ATG2B: variants seen among roughly 807,000 people sequenced by gnomAD.
ATG2B encodes autophagy-related protein 2 homolog B.
Under a neutral mutation model 241.3 loss-of-function variants are expected in ATG2B, and 121 were observed. The ratio of observed to expected loss-of-function variants is 0.50; its 90% CI spans 0.43 to 0.58. ATG2B has a LOEUF of 0.58. Ranked by LOEUF, ATG2B falls within the 20% of genes least tolerant of loss-of-function variation. The pLI is 0.00. For synonymous variants in ATG2B, 858 were observed against 876.6 expected (o/e 0.98, Z 0.37); for missense variants, 2,306 against 2,491.6 (o/e 0.93, Z 1.59).
In ATG2B at chr14:96,334,386, A is replaced by G. The variant is rs1438924248; in HGVS notation, c.1021+19T>C. Reference sequence around the variant, plus strand: ...TTTAAAAAAGTAACAAGTATATATAATAACAGAATTATACTTGCCTGGTCC... The same window carrying G: ...TTTAAAAAAGTAACAAGTATATATAGTAACAGAATTATACTTGCCTGGTCC... On this transcript the variant is annotated intron_variant, in intron 7 of 41. Transcript: ENST00000359933. 5.9e-6 allele frequency: 9 copies of G among 1,528,870 alleles called. No individual in the cohort carries two copies. The highest frequency in any genetic ancestry group is 2.4e-5 in the South Asian group (2 of 82,380). 94.7% of individuals were successfully genotyped at this position (1,528,870 alleles called of 1,614,324 possible). A position where few individuals can be genotyped will look rare whatever the true frequency, so the allele number is the denominator to read the frequency against.
At chr14:96,305,926 G>T in intron 30 of ATG2B, 111 bp from the exon 31 acceptor site, 1 of 788,286 alleles carries the variant, frequency 1.3e-6, no homozygotes, top group Non-Finnish European at 2.0e-6. Flanking sequence ...AATAATTCCA[G>T]TATATAAAAT....
intron 1 of ATG2B, among the ~76,000 whole-genome samples, chr14:96,353,367 G>A (rs150553770): frequency 1.3e-5 from 2 of 152,336 alleles, no homozygotes; most frequent in African/African-American, 4.8e-5. Flanking sequence ...GCTCCCACCT[G>A]TAATCCTAGC....
chr14:96,304,625 A>G, intron 31 of ATG2B, 22 bp from the exon 32 acceptor site: 1 of 1,544,072 alleles, frequency 6.5e-7, no homozygotes, highest in Non-Finnish European at 8.8e-7. Context: ...CAAAAAAAAA[A>G]AAAACCCTTT....
At chr14:96,296,337 A>C (rs1022516045) in intron 34 of ATG2B, among the ~76,000 whole-genome samples, 8 of 152,118 alleles carry the variant, frequency 5.3e-5, no homozygotes, top group Non-Finnish European at 1.5e-5. Flanking sequence ...CTCTGTCTTC[A>C]CTTTGTACGT....
At chr14:96,310,876 G>GA (rs199808372) in intron 28 of ATG2B, among the ~76,000 whole-genome samples, 10 of 144,810 alleles carry the variant, frequency 6.9e-5, no homozygotes, top group East Asian at 2.0e-4. Context: ...AACAAGTCTA[G>GA]AAAAAAAAAA....
intron 11 of ATG2B, among the ~76,000 whole-genome samples, chr14:96,331,003 C>T (rs1490232233): frequency 1.3e-5 from 2 of 152,202 alleles, no homozygotes; most frequent in Admixed American, 1.3e-4. Context: ...TTTTTCATCA[C>T]CACTGTCATC....
At chr14:96,309,623 A>C in intron 28 of ATG2B, 29 bp from the exon 29 acceptor site, 1 of 1,580,106 alleles carries the variant, frequency 6.3e-7, no homozygotes, top group Non-Finnish European at 8.6e-7. Context: ...ATTAAAAATA[A>C]CTGAAAATGC....
At chr14:96,321,376 G>T (rs778098777) in intron 18 of ATG2B, among the ~76,000 whole-genome samples, 3 of 152,184 alleles carry the variant, frequency 2.0e-5, no homozygotes, top group Non-Finnish European at 2.9e-5. Context: ...TTTCAGGTAT[G>T]CTACGGAGAA....
rs117486944 is a variant in ATG2B, at chr14:96,288,943, G to C, written c.6006+713C>G. On this transcript the variant is annotated intron_variant, in intron 41 of 41. Coordinates refer to ENST00000359933, the MANE Select transcript of ATG2B (RefSeq NM_018036.7). ...TTTCTTGTACATATGAACAAAAAGAGAGTTAAATGAGCACTCCCCATAGTG... is the reference window on the plus strand; with the variant it reads ...TTTCTTGTACATATGAACAAAAAGACAGTTAAATGAGCACTCCCCATAGTG... 4.3e-3 allele frequency among the ~76,000 whole-genome samples: 647 copies of C among 152,158 alleles called. 25 individuals are homozygous for C. In the South Asian group the frequency reaches 0.067, roughly 16 times the overall value.
rs746760117 is a variant in ATG2B at position 96,343,212 on chromosome 14, A to G, written c.651T>C (p.Ala217=). 2 of 1,612,144 alleles carry G rather than the reference A, an allele frequency of 1.2e-6. No individual in the cohort carries two copies. Among genetic ancestry groups the G allele is most frequent in the East Asian group, 2.2e-5 (1 of 44,824 alleles). Residue 217 remains alanine (A), a synonymous_variant, in exon 5 of 42, where the codon GCT becomes GCC. Coordinates refer to ENST00000359933, the MANE Select transcript of ATG2B (RefSeq NM_018036.7). ...GINVHQPTAF[A]HKLLQLSGVS... is the part of the protein sequence containing the mutation. ...CTCCAGAGAGCTGAAGTAACTTGTGAGCAAAAGCAGTGGGTTGATGCACAT... is the reference window on the plus strand; with the variant it reads ...CTCCAGAGAGCTGAAGTAACTTGTGGGCAAAAGCAGTGGGTTGATGCACAT...
intron 2 of ATG2B, among the ~76,000 whole-genome samples, chr14:96,346,507 T>TTTAA (rs1440570488): frequency 8.5e-5 from 13 of 152,084 alleles, no homozygotes; most frequent in Non-Finnish European, 1.5e-4. Context: ...AAATACAGAG[T>TTTAA]TTCACTTTAA....
chr14:96,330,051 G>GGA (rs1555368157), intron 11 of ATG2B, among the ~76,000 whole-genome samples: 1 of 134,808 alleles, frequency 7.4e-6, no homozygotes, highest in Non-Finnish European at 1.6e-5. Flanking sequence ...TCAAAAATGG[G>GGA]AAAAAAAAAA....
chr14:96,333,669 A>C lies in ATG2B; in HGVS notation c.1207+19T>G. 1 of 1,607,048 alleles carries C rather than the reference A, an allele frequency of 6.2e-7. No individual in the cohort carries two copies. The highest frequency in any genetic ancestry group is 1.1e-5 in the South Asian group (1 of 90,062). ...GATTATAATATATGATTCTGGTGTCAACAGTTTGAGTTGCTTACCACGGCT... is the reference window on the plus strand; with the variant it reads ...GATTATAATATATGATTCTGGTGTCCACAGTTTGAGTTGCTTACCACGGCT... On this transcript the variant is annotated intron_variant, in intron 8 of 41. Transcript: ENST00000359933.
At chr14:96,314,715 T>C (rs1887257731) in intron 23 of ATG2B, among the ~76,000 whole-genome samples, 1 of 151,540 alleles carries the variant, frequency 6.6e-6, no homozygotes, top group African/African-American at 2.4e-5. Context: ...TTGTTTTGTT[T>C]TTTGAGACAG....
At chr14:96,308,278 A>ATATG (rs1887052404) in intron 29 of ATG2B, among the ~76,000 whole-genome samples, 5 of 27,714 alleles carry the variant, frequency 1.8e-4, no homozygotes, top group Non-Finnish European at 2.7e-4. Context: ...ATATATATAT[A>ATATG]TATATTTTTT....
intron 7 of ATG2B, 54 bp from the exon 8 acceptor site, chr14:96,333,927 G>C: frequency 6.6e-7 from 1 of 1,517,066 alleles, no homozygotes; most frequent in African/African-American, 1.4e-5. Context: ...AGTTAATTAA[G>C]CATTTCTTTC....
chr14:96,293,694 G>A (rs554322642), intron 36 of ATG2B, among the ~76,000 whole-genome samples: 25 of 152,234 alleles, frequency 1.6e-4, no homozygotes, highest in African/African-American at 6.0e-4. Context: ...TTTAGACTAT[G>A]GCACTGATTA....
intron 31 of ATG2B, among the ~76,000 whole-genome samples, chr14:96,305,006 T>C (rs746938913): frequency 6.6e-6 from 1 of 152,174 alleles, no homozygotes; most frequent in Non-Finnish European, 1.5e-5. Flanking sequence ...GGACGTGTTT[T>C]AAAGTCGCTT....
chr14:96,346,071 G>A (rs938801451), intron 2 of ATG2B, among the ~76,000 whole-genome samples: 1 of 152,092 alleles, frequency 6.6e-6, no homozygotes, highest in Admixed American at 6.6e-5. Context: ...AAAAGAAGAG[G>A]TTAATTCTTC....
Sources: allele counts gnomAD v4.1 joint callset (sites outside exome capture counted in the v4.1 genomes callset), GRCh38; gene constraint gnomAD v4.1.1; transcripts MANE v1.5; gene names NCBI Gene and HGNC (gene_info 2026-07-23, HGNC 2026-07-21).